MYO5B: variants seen among roughly 807,000 people sequenced by gnomAD.
MYO5B encodes the protein myosin VB.
A neutral mutation model predicts 229.3 loss-of-function variants in MYO5B; 143 were observed. That is an observed-to-expected ratio of 0.62 (90% confidence interval 0.54 to 0.72). The LOEUF (loss-of-function observed/expected upper bound fraction) is 0.72, where lower values mean the gene tolerates loss of function less well. Ranked by LOEUF, MYO5B falls within the 30% of genes least tolerant of loss-of-function variation. The pLI is 0.00. For missense variants in MYO5B, 2,321 were observed against 2,331.0 expected (o/e 1.00, Z 0.09); for synonymous variants, 918 against 885.2 (o/e 1.04, Z -0.66).
At chr18:49,975,683 G>T (rs1275400081) in intron 9 of MYO5B, among the ~76,000 whole-genome samples, 1 of 152,154 alleles carries the variant, frequency 6.6e-6, no homozygotes, top group Non-Finnish European at 1.5e-5. Flanking sequence ...CATGCTCAGA[G>T]CTGGAAAGAA....
chr18:49,904,558 A>C (rs2024877639), intron 20 of MYO5B, 114 bp downstream of exon 20: 1 of 1,309,462 alleles, frequency 7.6e-7, no homozygotes, highest in South Asian at 1.2e-5. Context: ...GAGATGTGAA[A>C]GCATTTAGAA....
At chr18:49,885,664 T>C in intron 22 of MYO5B, among the ~76,000 whole-genome samples, 1 of 152,040 alleles carries the variant, frequency 6.6e-6, no homozygotes, top group Non-Finnish European at 1.5e-5. Context: ...AGAGGTGAGT[T>C]AATAAGGGAG....
At chr18:49,845,947 G>A in intron 33 of MYO5B, among the ~76,000 whole-genome samples, 1 of 152,184 alleles carries the variant, frequency 6.6e-6, no homozygotes, top group East Asian at 1.9e-4. Context: ...GGGGTGGCGG[G>A]GGCTCCTCTT....
intron 18 of MYO5B, among the ~76,000 whole-genome samples, chr18:49,907,260 G>C (rs193144692): frequency 2.6e-5 from 4 of 152,296 alleles, no homozygotes. Flanking sequence ...CTTTGAGCAA[G>C]GAAATGACCT....
At chr18:49,919,095 T>C (rs1187680482) in intron 17 of MYO5B, among the ~76,000 whole-genome samples, 2 of 152,260 alleles carry the variant, frequency 1.3e-5, no homozygotes, top group African/African-American at 4.8e-5. Flanking sequence ...CCTTCCTCAA[T>C]GGTCAATGTG....
chr18:49,957,682 CAAAA>C (rs72450719), intron 12 of MYO5B, among the ~76,000 whole-genome samples: 3 of 120,874 alleles, frequency 2.5e-5, no homozygotes, highest in African/African-American at 8.8e-5. Flanking sequence ...CAAAAAAAGC[CAAAA>C]AAAAAAAAAA....
chr18:49,962,050 G>A (rs932604384), intron 12 of MYO5B, among the ~76,000 whole-genome samples: 20 of 152,106 alleles, frequency 1.3e-4, no homozygotes, highest in South Asian at 2.1e-4. Flanking sequence ...AGAGGCATAC[G>A]TTTACCAGTG....
chr18:49,959,633 C>G (rs932810084), intron 12 of MYO5B, among the ~76,000 whole-genome samples: 1 of 152,212 alleles, frequency 6.6e-6, no homozygotes, highest in African/African-American at 2.4e-5. Flanking sequence ...CCGCCCCACT[C>G]AGACCTGCCG....
chr18:50,047,446 G>A (rs2030262161), intron 2 of MYO5B, among the ~76,000 whole-genome samples: 1 of 152,142 alleles, frequency 6.6e-6, no homozygotes. Flanking sequence ...AACAACAGGT[G>A]CTGGAGAGGA....
chr18:50,059,002 C>T (rs1285465935), intron 1 of MYO5B, among the ~76,000 whole-genome samples: 3 of 152,148 alleles, frequency 2.0e-5, no homozygotes, highest in South Asian at 2.1e-4. Context: ...TAGAGTTAGC[C>T]CTACCCAACC....
intron 4 of MYO5B, among the ~76,000 whole-genome samples, chr18:50,032,018 G>A (rs1317307426): frequency 6.6e-6 from 1 of 152,134 alleles, no homozygotes; most frequent in Non-Finnish European, 1.5e-5. Context: ...TTTGTACTGT[G>A]TTAATAGAAT....
intron 18 of MYO5B, 123 bp from the exon 19 acceptor site, chr18:49,906,753 G>T: frequency 1.2e-6 from 1 of 834,462 alleles, no homozygotes; most frequent in Non-Finnish European, 2.0e-6. Flanking sequence ...CCTCTCTGTA[G>T]ATGGACACAA....
chr18:50,097,109 T>G, intron 1 of MYO5B: 1 of 413,378 alleles, frequency 2.4e-6, no homozygotes, highest in Admixed American at 2.5e-5. Context: ...TATGGTTCCC[T>G]TGTCCTTCCT....
intron 1 of MYO5B, among the ~76,000 whole-genome samples, chr18:50,076,295 A>G (rs1003752783): frequency 2.6e-5 from 4 of 152,164 alleles, no homozygotes; most frequent in Non-Finnish European, 5.9e-5. Flanking sequence ...GTAAGCTGAC[A>G]AGGTTGAGGA....
chr18:49,989,639 C>T (rs2025908063), intron 7 of MYO5B, among the ~76,000 whole-genome samples: 1 of 152,208 alleles, frequency 6.6e-6, no homozygotes, highest in South Asian at 2.1e-4. Flanking sequence ...CCAAGGAGAG[C>T]TGCTCTGTGG....
At chr18:49,960,190 G>A (rs989059105) in intron 12 of MYO5B, among the ~76,000 whole-genome samples, 11 of 152,162 alleles carry the variant, frequency 7.2e-5, no homozygotes, top group African/African-American at 2.7e-4. Context: ...TTTTCCCACA[G>A]GCTGCTTCTG....
intron 7 of MYO5B, among the ~76,000 whole-genome samples, chr18:49,987,578 A>G (rs781424684): frequency 1.8e-4 from 28 of 152,154 alleles, no homozygotes; most frequent in Non-Finnish European, 3.5e-4. Context: ...CAGGCAGTCA[A>G]AAGAACACAG....
chr18:49,906,665 C>T (rs765689099), intron 18 of MYO5B, 35 bp from the exon 19 acceptor site: 2 of 1,568,284 alleles, frequency 1.3e-6, no homozygotes, highest in South Asian at 2.2e-5. Flanking sequence ...GGTTGGTCAC[C>T]AGTGAGCAGA....
chr18:50,060,950 G>T (rs1248234031), intron 1 of MYO5B, among the ~76,000 whole-genome samples: 3 of 152,120 alleles, frequency 2.0e-5, no homozygotes, highest in Non-Finnish European at 4.4e-5. Flanking sequence ...TGGCTGACTG[G>T]GTAACAGATT....
Sources: gnomAD v4.1 joint callset for allele counts (sites outside exome capture counted in the v4.1 genomes callset) on GRCh38, gnomAD v4.1.1 for gene constraint, MANE v1.5 for transcripts, NCBI Gene and HGNC (gene_info 2026-07-23, HGNC 2026-07-21) for gene names.